The following SH3RF3 variants were observed in gnomAD, a reference collection of about 807,000 sequenced individuals.
SH3RF3 encodes the protein E3 ubiquitin-protein ligase SH3RF3.
A neutral mutation model predicts 66.3 loss-of-function variants in SH3RF3; 29 were observed. The ratio of observed to expected loss-of-function variants is 0.44; its 90% CI spans 0.33 to 0.60. SH3RF3 has a LOEUF of 0.60. SH3RF3 is among the 20% of genes least tolerant of loss of function. SH3RF3 has a pLI of 0.04. For missense variants in SH3RF3, 1,194 were observed against 1,190.9 expected (o/e 1.00, Z -0.04); for synonymous variants, 583 against 532.0 (o/e 1.10, Z -1.32).
At chr2:109,266,397 T>C (rs996488058) in intron 1 of SH3RF3, among the ~76,000 whole-genome samples, 5 of 151,510 alleles carry the variant, frequency 3.3e-5, no homozygotes, top group Admixed American at 3.3e-4. Context: ...CAAGCAGGAG[T>C]GTCCTCCGAT....
intron 1 of SH3RF3, among the ~76,000 whole-genome samples, chr2:109,242,899 C>T (rs781660541): frequency 6.6e-6 from 1 of 152,208 alleles, no homozygotes; most frequent in African/African-American, 2.4e-5. Flanking sequence ...ATCCAAAAAC[C>T]TCACAGAACA....
chr2:109,137,483 G>C (rs530975368), intron 1 of SH3RF3, among the ~76,000 whole-genome samples: 1 of 152,356 alleles, frequency 6.6e-6, no homozygotes, highest in East Asian at 1.9e-4. Flanking sequence ...ACTTGCTGCT[G>C]TGGCTAGGAC....
chr2:109,219,368 C>T (rs558372323), intron 1 of SH3RF3, among the ~76,000 whole-genome samples: 4 of 152,164 alleles, frequency 2.6e-5, no homozygotes, highest in Non-Finnish European at 5.9e-5. Context: ...TTCACCATCA[C>T]TTAATAAAAC....
chr2:109,337,664 A>C (rs1682455740), intron 1 of SH3RF3, among the ~76,000 whole-genome samples: 1 of 151,582 alleles, frequency 6.6e-6, no homozygotes, highest in Non-Finnish European at 1.5e-5. Context: ...GCTGTGCCAT[A>C]TGCTATCAGC....
At chr2:109,448,981 G>A (rs1453720495) in intron 7 of SH3RF3, among the ~76,000 whole-genome samples, 189 bp from the exon 8 acceptor site, 2 of 152,188 alleles carry the variant, frequency 1.3e-5, no homozygotes, top group African/African-American at 2.4e-5. Flanking sequence ...TTGGAAGATA[G>A]GAATGCATTT....
At chr2:109,273,075 T>C (rs1680666229) in intron 1 of SH3RF3, among the ~76,000 whole-genome samples, 2 of 152,232 alleles carry the variant, frequency 1.3e-5, no homozygotes, top group Admixed American at 1.3e-4. Context: ...AGAAGTTGTT[T>C]ACTGAGTATT....
chr2:109,411,719 G>A (rs1476073043), intron 4 of SH3RF3, among the ~76,000 whole-genome samples: 1 of 152,178 alleles, frequency 6.6e-6, no homozygotes, highest in Admixed American at 6.5e-5. Context: ...CCCATGCTAG[G>A]AAGGCCGGCC....
At chr2:109,474,056 C>T (rs1230237443) in intron 8 of SH3RF3, among the ~76,000 whole-genome samples, 1 of 152,094 alleles carries the variant, frequency 6.6e-6, no homozygotes, top group African/African-American at 2.4e-5. Context: ...GCCTCCTCAC[C>T]TTTGGTTTGG....
rs1166100742 is a variant in SH3RF3 at position 109,493,131 on chromosome 2, T to C, written c.2480+2195T>C. ...CACAGATACATCATATAAACACACA[T>C]ACCCCACATACATCATACAAAACAC... On this transcript the variant is annotated intron_variant, in intron 9 of 9. Transcript: ENST00000309415. 2.3e-3 allele frequency among the ~76,000 whole-genome samples: 223 copies of C among 98,670 alleles called. 2 individuals carry two copies. The highest frequency in any genetic ancestry group is 7.8e-3 in the African/African-American group (214 of 27,604). 64.7% of individuals were successfully genotyped at this position (98,670 alleles called of 152,430 possible).
At chr2:109,472,201 TTAGA>T (rs1225431738) in intron 8 of SH3RF3, among the ~76,000 whole-genome samples, 2 of 152,204 alleles carry the variant, frequency 1.3e-5, no homozygotes, top group Non-Finnish European at 1.5e-5. Context: ...CAGTTAAAAA[TTAGA>T]TAGGGATAAA....
chr2:109,437,489 C>T (rs912384084), intron 7 of SH3RF3, among the ~76,000 whole-genome samples: 3 of 152,212 alleles, frequency 2.0e-5, no homozygotes, highest in African/African-American at 7.2e-5. Flanking sequence ...AAGAGGGCCT[C>T]ATAGACTAAT....
rs377230878 is a variant in SH3RF3, at chr2:109,347,715, C to T, written c.615C>T (p.Tyr205=). 219 of 1,613,842 alleles carry T rather than the reference C, an allele frequency of 1.4e-4. No homozygotes were observed. The African/African-American group carries it at 2.2e-3, about 16-fold the overall frequency. Residue 205 remains tyrosine, a synonymous_variant, in exon 2 of 10, where the codon TAC becomes TAT. Coordinates refer to ENST00000309415, the MANE Select transcript of SH3RF3 (RefSeq NM_001099289.3). ...CCTATGGCAAGGCCCTCTACAGCTA[C>T]GAGGGGAAGGAACCTGGTGACCTCA... ...LLPYGKALYS[Y]EGKEPGDLKF... is the part of the protein sequence containing the mutation.
At chr2:109,364,111 C>T (rs1295649978) in intron 2 of SH3RF3, among the ~76,000 whole-genome samples, 2 of 151,428 alleles carry the variant, frequency 1.3e-5, no homozygotes, top group South Asian at 4.2e-4. Context: ...AATTGCCCCA[C>T]AATTCTTGCT....
intron 3 of SH3RF3, among the ~76,000 whole-genome samples, chr2:109,386,541 C>T (rs1052925548): frequency 6.6e-6 from 1 of 152,236 alleles, no homozygotes; most frequent in African/African-American, 2.4e-5. Flanking sequence ...GGATCTTGGG[C>T]CTTGGTTTGC....
intron 1 of SH3RF3, among the ~76,000 whole-genome samples, chr2:109,276,369 T>G (rs1036498602): frequency 6.6e-6 from 1 of 152,178 alleles, no homozygotes; most frequent in African/African-American, 2.4e-5. Flanking sequence ...CCGTAGTAGA[T>G]GTAGCAGCTG....
chr2:109,170,289 CTTCTCTTCTCTTCTCTTCTCT>C (rs1558938267), intron 1 of SH3RF3, among the ~76,000 whole-genome samples: 2 of 120,878 alleles, frequency 1.7e-5, no homozygotes, highest in East Asian at 3.6e-4. Context: ...CTTCTCTTCT[CTTCTCTTCTCTTCTCTTCTCT>C]TCTCTCCTCT....
chr2:109,170,288 TCTTCTCTTCTCTTCTCTTCTCTTCTCTC>T (rs1677741766), intron 1 of SH3RF3, among the ~76,000 whole-genome samples: 1 of 124,224 alleles, frequency 8.0e-6, no homozygotes, highest in African/African-American at 2.9e-5. Context: ...TCTTCTCTTC[TCTTCTCTTCTCTTCTCTTCTCTTCTCTC>T]CTCTCTCTCT....
intron 1 of SH3RF3, among the ~76,000 whole-genome samples, chr2:109,265,785 C>T (rs1445234613): frequency 6.6e-6 from 1 of 152,128 alleles, no homozygotes; most frequent in Non-Finnish European, 1.5e-5. Flanking sequence ...CACATAAAAG[C>T]TTTTAATATG....
intron 8 of SH3RF3, among the ~76,000 whole-genome samples, chr2:109,450,117 G>A (rs868499441): frequency 6.6e-6 from 1 of 152,060 alleles, no homozygotes; most frequent in East Asian, 1.9e-4. Flanking sequence ...AGGCTGAGGC[G>A]GGCGGATCAC....
Sources: gnomAD v4.1 joint callset for allele counts (sites outside exome capture counted in the v4.1 genomes callset) on GRCh38, gnomAD v4.1.1 for gene constraint, MANE v1.5 for transcripts, NCBI Gene and HGNC (gene_info 2026-07-23, HGNC 2026-07-21) for gene names.